FRMD5: variants seen among roughly 807,000 people sequenced by gnomAD.
FRMD5 encodes FERM domain-containing protein 5.
FRMD5 carries 20 observed loss-of-function variants against 69.0 expected under a neutral mutation model. That is an observed-to-expected ratio of 0.29 (90% CI 0.20 to 0.42). FRMD5 has a LOEUF of 0.42. Ranked by LOEUF, FRMD5 falls within the 10% of genes least tolerant of loss-of-function variation. The probability of loss-of-function intolerance (pLI) is 1.00; values close to 1 mark genes in which losing one functional copy is unlikely to be tolerated. For missense variants in FRMD5, 595 were observed against 708.6 expected (o/e 0.84, Z 1.82); for synonymous variants, 271 against 260.1 (o/e 1.04, Z -0.40).
intron 13 of FRMD5, among the ~76,000 whole-genome samples, chr15:43,881,469 A>G (rs1165260527): frequency 1.3e-5 from 2 of 152,070 alleles, no homozygotes; most frequent in Non-Finnish European, 2.9e-5. Context: ...TTTGCATAAC[A>G]ATTCTACTTG....
At chr15:43,986,876 C>T (rs949612102) in intron 1 of FRMD5, among the ~76,000 whole-genome samples, 3 of 152,016 alleles carry the variant, frequency 2.0e-5, no homozygotes, top group Admixed American at 6.6e-5. Context: ...TTTCCAACAG[C>T]ATGTGCTCAT....
At chr15:43,973,338 C>G (rs2090414626) in intron 1 of FRMD5, among the ~76,000 whole-genome samples, 1 of 149,500 alleles carries the variant, frequency 6.7e-6, no homozygotes, top group Middle Eastern at 3.6e-3. Context: ...GGTTAATATC[C>G]TAGTTACTTT....
chr15:43,924,182 T>C, intron 2 of FRMD5, 23 bp downstream of exon 2: 2 of 1,545,324 alleles, frequency 1.3e-6, no homozygotes, highest in Non-Finnish European at 1.8e-6. Flanking sequence ...TGTCCTCCTT[T>C]TGTGCTTTGA....
chr15:43,945,099 T>C (rs1481719644), intron 1 of FRMD5, among the ~76,000 whole-genome samples: 1 of 151,908 alleles, frequency 6.6e-6, no homozygotes, highest in African/African-American at 2.4e-5. Context: ...TTTCTATGAG[T>C]TTATATGACA....
chr15:44,193,982 C>G (rs953018717), intron 1 of FRMD5, among the ~76,000 whole-genome samples: 7 of 152,224 alleles, frequency 4.6e-5, no homozygotes, highest in Admixed American at 2.6e-4. Context: ...ATTAGCTTCT[C>G]CACAAAGAGC....
At chr15:44,183,865 C>A (rs569655211) in intron 1 of FRMD5, among the ~76,000 whole-genome samples, 1 of 151,690 alleles carries the variant, frequency 6.6e-6, no homozygotes, top group Admixed American at 6.6e-5. Context: ...GCCTACAGTC[C>A]GAGCTACTGG....
In FRMD5 at chr15:43,909,959, A is replaced by G. The variant is rs2089255913; in HGVS notation, c.350T>C (p.Ile117Thr). The change falls in exon 5 of 14, where the codon ATC becomes ACC. Residue 117 changes from isoleucine (I) to threonine (T), a missense_variant. Ile to Thr is a moderately conservative substitution (Grantham distance 89). Around this residue, in one of 5 missense-constraint regions of FRMD5, gnomAD observed 79 missense variants for 139.9 expected, o/e 0.56. Transcript: ENST00000417257. ...EITRYLVFLQIKRDLYHGRLL... is the reference protein window; with the variant it reads ...EITRYLVFLQTKRDLYHGRLL... ...TCGGCCATGGTAGAGATCCCTTTTG[A>G]TCTGCAGGAAGACTAAATACCTGGA... 1.2e-6 allele frequency: 2 copies of G among 1,608,204 alleles called. No individual in the cohort carries two copies. The highest frequency in any genetic ancestry group is 1.7e-6 in the Non-Finnish European group (2 of 1,174,938).
At chr15:44,053,781 T>C (rs1249049897) in intron 1 of FRMD5, among the ~76,000 whole-genome samples, 3 of 151,852 alleles carry the variant, frequency 2.0e-5, no homozygotes, top group South Asian at 2.1e-4. Flanking sequence ...TAATTAGATA[T>C]AAAAAAACTG....
intron 1 of FRMD5, among the ~76,000 whole-genome samples, chr15:44,037,734 A>G (rs1406687822): frequency 6.6e-6 from 1 of 151,948 alleles, no homozygotes; most frequent in East Asian, 1.9e-4. Context: ...TCGGCCTCCT[A>G]AAGTGTTGGG....
At chr15:44,112,890 C>T (rs1476037614) in intron 1 of FRMD5, among the ~76,000 whole-genome samples, 3 of 152,024 alleles carry the variant, frequency 2.0e-5, no homozygotes, top group Non-Finnish European at 2.9e-5. Context: ...CCACCACACT[C>T]GGCCACCTTC....
chr15:43,938,791 G>A (rs942709843), intron 1 of FRMD5, among the ~76,000 whole-genome samples: 1 of 152,136 alleles, frequency 6.6e-6, no homozygotes. Context: ...AGCAAAAAAT[G>A]AGCAGCATTT....
At chr15:44,076,752 A>G (rs1473678132) in intron 1 of FRMD5, among the ~76,000 whole-genome samples, 1 of 151,564 alleles carries the variant, frequency 6.6e-6, no homozygotes, top group Non-Finnish European at 1.5e-5. Context: ...GTGCACATGT[A>G]CCCTAAAACT....
chr15:43,982,217 C>T lies in FRMD5; in HGVS notation c.103-57908G>A, dbSNP rs1007153120. The stretch of plus-strand genomic sequence containing the variant: ...AGGCTGAATTAGAGATGTTGTGTTT[C>T]GGGGCAAGTAGACCACTTCGATGTC... On this transcript the variant is annotated intron_variant, in intron 1 of 13. Coordinates refer to ENST00000417257, the MANE Select transcript of FRMD5 (RefSeq NM_032892.5). Among the ~76,000 whole-genome samples, 7 of 152,276 alleles carry T rather than the reference C, an allele frequency of 4.6e-5. No individual in the cohort carries two copies. In the East Asian group the frequency reaches 9.6e-4, roughly 21 times the overall value.
intron 13 of FRMD5, among the ~76,000 whole-genome samples, chr15:43,880,549 C>CTT (rs938465232): frequency 6.6e-6 from 1 of 152,262 alleles, no homozygotes; most frequent in African/African-American, 2.4e-5. Context: ...TTGCTACAAT[C>CTT]TTTTATTTAT....
chr15:43,961,864 C>CT (rs2090207401), intron 1 of FRMD5, among the ~76,000 whole-genome samples: 1 of 152,140 alleles, frequency 6.6e-6, no homozygotes, highest in South Asian at 2.1e-4. Flanking sequence ...ACCCTTCATG[C>CT]TAAAAACTCT....
chr15:44,076,652 T>G, intron 1 of FRMD5, among the ~76,000 whole-genome samples: 2 of 141,758 alleles, frequency 1.4e-5, no homozygotes, highest in South Asian at 4.9e-4. Flanking sequence ...AGGGATAGCA[T>G]TGGGAGATAT....
chr15:44,024,561 C>T (rs556362485), intron 1 of FRMD5, among the ~76,000 whole-genome samples: 50 of 152,228 alleles, frequency 3.3e-4, no homozygotes, highest in Middle Eastern at 3.4e-3. Context: ...TCATTTCATA[C>T]GTTTTTTCCT....
chr15:44,190,876 T>C (rs1370778520), intron 1 of FRMD5, among the ~76,000 whole-genome samples: 3 of 152,262 alleles, frequency 2.0e-5, no homozygotes, highest in Non-Finnish European at 2.9e-5. Flanking sequence ...TTAGGGTTTA[T>C]GATTTATAGC....
At chr15:44,132,735 AATGTATGT>A (rs556557718) in intron 1 of FRMD5, among the ~76,000 whole-genome samples, 1 of 118,006 alleles carries the variant, frequency 8.5e-6, no homozygotes, top group African/African-American at 2.8e-5. Flanking sequence ...GGACATCATG[AATGTATGT>A]ATGTATGTAT....
Sources: gnomAD v4.1 joint callset for allele counts (sites outside exome capture counted in the v4.1 genomes callset) on GRCh38, gnomAD v4.1.1 for gene constraint, gnomAD v4.1.1 regional missense constraint, MANE v1.5 for transcripts, NCBI Gene and HGNC (gene_info 2026-07-23, HGNC 2026-07-21) for gene names.